NMNAT2: variants seen among roughly 807,000 people sequenced by gnomAD.
NMNAT2 encodes the protein nicotinamide/nicotinic acid mononucleotide adenylyltransferase 2.
A neutral mutation model predicts 41.6 loss-of-function variants in NMNAT2; 11 were observed. That is an observed-to-expected ratio of 0.26 (90% CI 0.17 to 0.44). NMNAT2 has a LOEUF of 0.44. Ranked by LOEUF, NMNAT2 falls within the 20% of genes least tolerant of loss-of-function variation. The pLI is 1.00. For synonymous variants in NMNAT2, 148 were observed against 151.2 expected (o/e 0.98, Z 0.16); for missense variants, 288 against 407.7 (o/e 0.71, Z 2.53).
At chr1:183,362,217 G>A (rs1235611373) in intron 1 of NMNAT2, among the ~76,000 whole-genome samples, 1 of 152,114 alleles carries the variant, frequency 6.6e-6, no homozygotes, top group East Asian at 1.9e-4. Flanking sequence ...AGGATTACGG[G>A]CATGAGCCAC....
intron 8 of NMNAT2, among the ~76,000 whole-genome samples, chr1:183,272,702 C>A (rs1266313967): frequency 6.6e-6 from 1 of 152,204 alleles, no homozygotes; most frequent in African/African-American, 2.4e-5. Context: ...CTGGAGGAGG[C>A]CTTGTCAGTC....
rs200887683 is a variant in NMNAT2 at position 183,292,835 on chromosome 1, C to T, written c.197G>A (p.Arg66His). The change falls in exon 3 of 11, where the codon CGT becomes CAT. Residue 66 changes from arginine (R) to histidine (H), a missense_variant. By Grantham distance (29) the Arg-to-His change is conservative. Around this residue, in one of 3 missense-constraint regions of NMNAT2, gnomAD observed 100 missense variants for 168.5 expected, o/e 0.59. Transcript: ENST00000287713. The stretch of plus-strand genomic sequence containing the variant: ...GACGGCCAGCTGACACATGATGAGA[C>T]GGTGCCGGCTTGACACGAGGCCCTG... The part of the protein sequence containing the change: ...GKQGLVSSRH[R>H]LIMCQLAVQN... 5.0e-6 allele frequency: 8 copies of T among 1,613,916 alleles called. No homozygotes were observed. In the Admixed American group the frequency reaches 5.0e-5, roughly 10 times the overall value.
intron 1 of NMNAT2, among the ~76,000 whole-genome samples, chr1:183,368,544 G>T (rs934785584): frequency 1.3e-5 from 2 of 152,140 alleles, no homozygotes; most frequent in South Asian, 2.1e-4. Context: ...GAGCTCAACC[G>T]CTTACAAGGG....
At chr1:183,329,590 G>C (rs950921703) in intron 1 of NMNAT2, among the ~76,000 whole-genome samples, 2 of 152,178 alleles carry the variant, frequency 1.3e-5, no homozygotes, top group African/African-American at 2.4e-5. Context: ...AGCCCTCACT[G>C]TTCCCCTCAT....
intron 8 of NMNAT2, among the ~76,000 whole-genome samples, chr1:183,275,152 G>T (rs771248568): frequency 6.6e-6 from 1 of 152,220 alleles, no homozygotes; most frequent in Non-Finnish European, 1.5e-5. Flanking sequence ...CTGTCCTCAT[G>T]TTCGGGGTGT....
At chr1:183,296,004 A>C (rs1430175320) in intron 1 of NMNAT2, among the ~76,000 whole-genome samples, 1 of 151,184 alleles carries the variant, frequency 6.6e-6, no homozygotes, top group African/African-American at 2.4e-5. Flanking sequence ...GCCTACCACC[A>C]TGCCCAGCTA....
chr1:183,257,786 G>GTT (rs1020612481), intron 10 of NMNAT2, among the ~76,000 whole-genome samples: 1 of 116,824 alleles, frequency 8.6e-6, no homozygotes, highest in African/African-American at 3.0e-5. Flanking sequence ...TGTCAATTTT[G>GTT]TTTTTTTTTT....
chr1:183,327,511 G>A (rs1034519929), intron 1 of NMNAT2, among the ~76,000 whole-genome samples: 2 of 152,192 alleles, frequency 1.3e-5, no homozygotes, highest in Admixed American at 6.5e-5. Context: ...TTGCTACCTC[G>A]ACAGCTCATG....
intron 8 of NMNAT2, among the ~76,000 whole-genome samples, chr1:183,267,815 A>G (rs1365926783): frequency 2.0e-5 from 3 of 152,070 alleles, no homozygotes; most frequent in African/African-American, 4.8e-5. Context: ...CGAGTGGCCA[A>G]TGCGGTAGAA....
intron 1 of NMNAT2, among the ~76,000 whole-genome samples, chr1:183,348,577 G>A (rs954986801): frequency 1.3e-5 from 2 of 152,158 alleles, no homozygotes; most frequent in African/African-American, 2.4e-5. Context: ...AAACATTTTT[G>A]CATAATACAT....
At chr1:183,326,332 C>A (rs2102334654) in intron 1 of NMNAT2, among the ~76,000 whole-genome samples, 1 of 120,266 alleles carries the variant, frequency 8.3e-6, no homozygotes, top group Admixed American at 1.1e-4. Flanking sequence ...GCTGAGATCA[C>A]ACCACTGCAC....
At chr1:183,390,747 A>G (rs372388011) in intron 1 of NMNAT2, among the ~76,000 whole-genome samples, 2 of 152,150 alleles carry the variant, frequency 1.3e-5, no homozygotes, top group East Asian at 3.8e-4. Context: ...GCCAGAACGG[A>G]CTCCCTAACT....
At chr1:183,369,947 G>T (rs1474276910) in intron 1 of NMNAT2, among the ~76,000 whole-genome samples, 2 of 152,078 alleles carry the variant, frequency 1.3e-5, no homozygotes, top group Non-Finnish European at 2.9e-5. Flanking sequence ...AACACCACGA[G>T]CAAACAGAAG....
intron 1 of NMNAT2, among the ~76,000 whole-genome samples, chr1:183,360,834 T>G (rs1368222656): frequency 6.6e-6 from 1 of 152,240 alleles, no homozygotes; most frequent in African/African-American, 2.4e-5. Context: ...AGCACAAGTG[T>G]TCTTTTATTG....
At chr1:183,337,065 G>A (rs1293793276) in intron 1 of NMNAT2, among the ~76,000 whole-genome samples, 2 of 152,144 alleles carry the variant, frequency 1.3e-5, no homozygotes. Flanking sequence ...AGGGAGCAGG[G>A]GAAATCTTTC....
At chr1:183,329,341 G>A (rs1392698593) in intron 1 of NMNAT2, among the ~76,000 whole-genome samples, 1 of 152,060 alleles carries the variant, frequency 6.6e-6, no homozygotes, top group Non-Finnish European at 1.5e-5. Flanking sequence ...ATATATCTTA[G>A]CATTGAGGAA....
At chr1:183,303,025 A>G (rs1442055346) in intron 1 of NMNAT2, among the ~76,000 whole-genome samples, 1 of 150,006 alleles carries the variant, frequency 6.7e-6, no homozygotes, top group Non-Finnish European at 1.5e-5. Flanking sequence ...TAAAACCTCA[A>G]TTTTAAAACA....
intron 1 of NMNAT2, among the ~76,000 whole-genome samples, chr1:183,396,592 T>C (rs1648657315): frequency 6.6e-6 from 1 of 152,016 alleles, no homozygotes; most frequent in East Asian, 1.9e-4. Context: ...CCCTCCCAAA[T>C]GCTAGTCAGG....
chr1:183,357,272 C>G (rs1025188244), intron 1 of NMNAT2, among the ~76,000 whole-genome samples: 5 of 145,900 alleles, frequency 3.4e-5, no homozygotes, highest in African/African-American at 1.3e-4. Flanking sequence ...CTCTATCGCC[C>G]AGGCTGGAGT....
Sources: allele counts gnomAD v4.1 joint callset (sites outside exome capture counted in the v4.1 genomes callset), GRCh38; gene constraint gnomAD v4.1.1; regional missense constraint gnomAD v4.1.1; transcripts MANE v1.5; gene names NCBI Gene and HGNC (gene_info 2026-07-23, HGNC 2026-07-21).